Variants in JPT1 observed in about 807,000 individuals in gnomAD.
JPT1 encodes the protein Jupiter microtubule associated homolog 1, also known as androgen-regulated protein 2.
A neutral mutation model predicts 17.0 loss-of-function variants in JPT1; 5 were observed. That is an observed-to-expected ratio of 0.29 (90% CI 0.15 to 0.62). The LOEUF is 0.62. Among genes scored for constraint, JPT1 ranks in the 20% least tolerant of loss-of-function variants. The pLI is 0.85. For missense variants in JPT1, 158 were observed against 188.1 expected (o/e 0.84, Z 0.94); for synonymous variants, 71 against 73.6 (o/e 0.96, Z 0.18).
chr17:75,142,278 G>T (rs1334807013), intron 4 of JPT1, among the ~76,000 whole-genome samples: 1 of 151,530 alleles, frequency 6.6e-6, no homozygotes, highest in Non-Finnish European at 1.5e-5. Context: ...CAGTAGAACC[G>T]GCCGGGCCTG....
At chr17:75,148,803 C>T in intron 1 of JPT1, 132 bp from the exon 2 acceptor site, 1 of 1,097,156 alleles carries the variant, frequency 9.1e-7, no homozygotes, top group Non-Finnish European at 1.3e-6. Flanking sequence ...TAGCTGCTAA[C>T]AGGAAAAAAG....
At chr17:75,141,455 C>T (rs1186335774) in intron 4 of JPT1, 1 of 152,222 alleles carries the variant, frequency 6.6e-6, no homozygotes, top group African/African-American at 2.4e-5. Flanking sequence ...GAGTTTGAGA[C>T]CAGCCTGGCC....
chr17:75,146,470 A>G (rs1034157363), intron 4 of JPT1, 196 bp downstream of exon 4: 1 of 509,422 alleles, frequency 2.0e-6, no homozygotes, highest in East Asian at 3.4e-5. Flanking sequence ...GTAATTTTAA[A>G]GGATTCTCTG....
Position 75,135,792 on chromosome 17 carries a change from AAAAAC to A in JPT1, c.*305_*309del, listed in dbSNP as rs1046947017. 3.0e-5 allele frequency: 16 copies of A among 530,812 alleles called. No homozygotes were observed. The Middle Eastern group carries it at 1.5e-3, about 51-fold the overall frequency. The allele number at this position is 530,812 out of a possible 1,614,324, so 32.9% of individuals were successfully genotyped here. ...GCTTGGTAAACCCAAGTAAAGTGTT[AAAAAC>A]CTCAGTACAAAAGATCCTCTAACAC... On this transcript the variant is annotated 3_prime_UTR_variant, in exon 5 of 5. Coordinates refer to ENST00000409753, the MANE Select transcript of JPT1 (RefSeq NM_016185.4).
At chr17:75,140,826 T>C (rs1244047061) in intron 4 of JPT1, among the ~76,000 whole-genome samples, 1 of 152,142 alleles carries the variant, frequency 6.6e-6, no homozygotes, top group East Asian at 1.9e-4. Flanking sequence ...GCACGGTGGC[T>C]CACGCCTGTA....
intron 4 of JPT1, among the ~76,000 whole-genome samples, chr17:75,144,308 CTG>C (rs1375541479): frequency 6.6e-6 from 1 of 151,994 alleles, no homozygotes; most frequent in Non-Finnish European, 1.5e-5. Flanking sequence ...GATCACATGA[CTG>C]GCCTGTGTAA....
chr17:75,140,931 AAC>A (rs2074296927), intron 4 of JPT1: 1 of 152,208 alleles, frequency 6.6e-6, no homozygotes, highest in African/African-American at 2.4e-5. Context: ...CTCTACTGAA[AAC>A]ACAAAAATTA....
At chr17:75,150,847 CTTTTTTTTT>C (rs59267123) in intron 1 of JPT1, among the ~76,000 whole-genome samples, 2 of 65,956 alleles carry the variant, frequency 3.0e-5, no homozygotes, top group African/African-American at 4.3e-5. Context: ...ATTTTTCTTT[CTTTTTTTTT>C]TTTTTTTTTT....
intron 4 of JPT1, among the ~76,000 whole-genome samples, chr17:75,143,645 G>A (rs2074369035): frequency 1.3e-5 from 2 of 151,852 alleles, no homozygotes; most frequent in Non-Finnish European, 2.9e-5. Flanking sequence ...AGACCAGCCT[G>A]GCCAACATGG....
chr17:75,137,827 T>C (rs1003572095), intron 4 of JPT1, among the ~76,000 whole-genome samples: 14 of 151,354 alleles, frequency 9.2e-5, no homozygotes, highest in Admixed American at 9.2e-4. Context: ...TTTGTATTTT[T>C]AGTAGAGACG....
chr17:75,147,178 G>A (rs1467073577), intron 3 of JPT1, among the ~76,000 whole-genome samples: 3 of 152,192 alleles, frequency 2.0e-5, no homozygotes, highest in East Asian at 1.9e-4. Flanking sequence ...CCCCTGGGGG[G>A]CTTGGTGGCA....
chr17:75,143,573 C>T lies in JPT1; in HGVS notation c.316+3093G>A, dbSNP rs556203663. ...AAACTTGGCCAGGCATGGTGGCTTACACCCATAATCTTAGCACTTTGGGAG... is the reference window on the plus strand; with the variant it reads ...AAACTTGGCCAGGCATGGTGGCTTATACCCATAATCTTAGCACTTTGGGAG... On this transcript the variant is annotated intron_variant, in intron 4 of 4. Transcript: ENST00000409753. 1.9e-3 allele frequency among the ~76,000 whole-genome samples: 293 copies of T among 151,802 alleles called. 1 individual carries two copies. The highest frequency in any genetic ancestry group is 6.7e-3 in the African/African-American group (277 of 41,396).
chr17:75,150,674 T>C (rs916965404), intron 1 of JPT1, among the ~76,000 whole-genome samples: 2 of 151,650 alleles, frequency 1.3e-5, no homozygotes, highest in African/African-American at 2.4e-5. Context: ...AGGCATGAGC[T>C]ACCCAGCCCA....
At chr17:75,143,867 G>C (rs1008513591) in intron 4 of JPT1, among the ~76,000 whole-genome samples, 4 of 151,792 alleles carry the variant, frequency 2.6e-5, no homozygotes, top group Non-Finnish European at 5.9e-5. Context: ...TCTCCATCTC[G>C]AGAAAAAAAA....
chr17:75,148,419 T>G, intron 2 of JPT1, 110 bp downstream of exon 2: 2 of 1,329,510 alleles, frequency 1.5e-6, no homozygotes, highest in Non-Finnish European at 2.1e-6. Context: ...CTAATTTTTG[T>G]TTTGTTTTGT....
At chr17:75,153,912 G>A (rs1023472735) in intron 1 of JPT1, 2 of 152,892 alleles carry the variant, frequency 1.3e-5, no homozygotes, top group Admixed American at 6.5e-5. Flanking sequence ...AGGAGCGCGT[G>A]GCCCATCAAT....
chr17:75,135,851 AAC>A lies in JPT1; in HGVS notation c.*249_*250del, dbSNP rs2074182704. The A allele has an allele frequency of 2.9e-6, 2 of 694,188 alleles. No individual in the cohort carries two copies. The highest frequency in any genetic ancestry group is 4.7e-6 in the Non-Finnish European group (2 of 427,198). 43.0% of individuals were successfully genotyped at this position (694,188 alleles called of 1,614,324 possible). A position where few individuals can be genotyped will look rare whatever the true frequency, so the allele number is the denominator to read the frequency against. ...TGGAACCAAATTATTTCTTCTTAAA[AAC>A]ACAGTACTAAGTGTCACAAAGCTTT... On this transcript the variant is annotated 3_prime_UTR_variant, in exon 5 of 5. Coordinates refer to ENST00000409753, the MANE Select transcript of JPT1 (RefSeq NM_016185.4).
chr17:75,154,316 G>C (rs1326333252), intron 1 of JPT1, 26 bp downstream of exon 1: 10 of 1,534,066 alleles, frequency 6.5e-6, no homozygotes, highest in Non-Finnish European at 8.8e-6. Flanking sequence ...GCCCCGCGCG[G>C]CTCGGGCGCG....
At chr17:75,145,177 A>C (rs1025629976) in intron 4 of JPT1, 4 of 148,566 alleles carry the variant, frequency 2.7e-5, no homozygotes, top group South Asian at 2.2e-4. Context: ...AAAAAAAAAA[A>C]AAAAAAAACA....
Sources: allele counts gnomAD v4.1 joint callset (sites outside exome capture counted in the v4.1 genomes callset), GRCh38; gene constraint gnomAD v4.1.1; transcripts MANE v1.5; gene names NCBI Gene and HGNC (gene_info 2026-07-23, HGNC 2026-07-21).